The following C4orf33 variants were observed in gnomAD, a reference collection of about 807,000 sequenced individuals.
C4orf33 encodes the protein UPF0462 protein C4orf33.
Under a neutral mutation model 24.3 loss-of-function variants are expected in C4orf33, and 20 were observed. That is an observed-to-expected ratio of 0.82 (90% CI 0.58 to 1.19). C4orf33 has a LOEUF of 1.19. C4orf33 is among the 50% of genes most tolerant of loss of function. C4orf33 has a pLI of 0.00. For synonymous variants in C4orf33, 67 were observed against 76.4 expected (o/e 0.88, Z 0.64); for missense variants, 207 against 225.9 (o/e 0.92, Z 0.54).
intron 1 of C4orf33, among the ~76,000 whole-genome samples, chr4:129,100,367 G>A (rs940169859): frequency 6.7e-6 from 1 of 149,488 alleles, no homozygotes; most frequent in East Asian, 2.0e-4. Flanking sequence ...TATTGTTAGT[G>A]TTAGTGCATT....
intron 1 of C4orf33, among the ~76,000 whole-genome samples, chr4:129,101,590 C>T (rs1229577046): frequency 2.0e-5 from 3 of 152,046 alleles, no homozygotes; most frequent in Non-Finnish European, 4.4e-5. Context: ...ATGCTAGTCA[C>T]GTGACCTTGG....
chr4:129,100,555 A>G (rs1753322987), intron 1 of C4orf33: 1 of 152,166 alleles, frequency 6.6e-6, no homozygotes, highest in Admixed American at 6.5e-5. Context: ...ATATCACTGG[A>G]TATGGTTTTA....
upstream of C4orf33, chr4:129,094,149 C>T (rs985817103): frequency 1.3e-5 from 2 of 152,206 alleles, no homozygotes; most frequent in Non-Finnish European, 2.9e-5. Flanking sequence ...GCAAATTCAG[C>T]AGCTACTTCT....
intron 1 of C4orf33, among the ~76,000 whole-genome samples, chr4:129,101,693 C>T (rs1319686270): frequency 1.3e-5 from 2 of 152,146 alleles, no homozygotes; most frequent in African/African-American, 4.8e-5. Flanking sequence ...AATGCCCAAT[C>T]CATAGTATTC....
rs528534972 is a variant in C4orf33, at chr4:129,109,782, C to T, written c.494+110C>T. 4.8e-5 allele frequency: 48 copies of T among 1,007,116 alleles called. No individual in the cohort carries two copies. In the African/African-American group the frequency reaches 5.7e-4, roughly 12 times the overall value. The allele number at this position is 1,007,116 out of a possible 1,614,324, so 62.4% of individuals were successfully genotyped here. ...GATCAAAGAAGACGACATATGTGCA[C>T]AAGTATCTAGTAGAGTCCAATGTTC... is the stretch of plus-strand genomic sequence containing the variant. On this transcript the variant is annotated intron_variant, in intron 5 of 5. Coordinates refer to ENST00000425929, the MANE Select transcript of C4orf33 (RefSeq NM_001099783.2).
intron 2 of C4orf33, among the ~76,000 whole-genome samples, chr4:129,105,613 G>A (rs923308688): frequency 6.6e-6 from 1 of 152,050 alleles, no homozygotes; most frequent in Non-Finnish European, 1.5e-5. Context: ...CAACCTAAAT[G>A]TCTATCCATA....
At chr4:129,096,434 A>G (rs562801852) in intron 1 of C4orf33, among the ~76,000 whole-genome samples, 1 of 152,208 alleles carries the variant, frequency 6.6e-6, no homozygotes, top group Non-Finnish European at 1.5e-5. Context: ...AGAAATCATT[A>G]TTGTAGAAAA....
At position 129,112,705 on chromosome 4, in the gene C4orf33, T is replaced by G. The variant is rs920944972; in HGVS notation, c.*914T>G. ...TCAAGTTTACATTGAGTTTATATGT[T>G]TCCATTGAACAATCACTAGTGATGG... On this transcript the variant is annotated 3_prime_UTR_variant, in exon 6 of 6. Coordinates refer to ENST00000425929, the MANE Select transcript of C4orf33 (RefSeq NM_001099783.2). The G allele has an allele frequency of 6.6e-6, 1 of 152,092 alleles. No individual in the cohort carries two copies. The highest frequency in any genetic ancestry group is 1.5e-5 in the Non-Finnish European group (1 of 67,930). 9.4% of individuals were successfully genotyped at this position (152,092 alleles called of 1,614,324 possible). A position where few individuals can be genotyped will look rare whatever the true frequency, so the allele number is the denominator to read the frequency against.
upstream of C4orf33, chr4:129,093,909 T>A (rs913967420): frequency 6.6e-6 from 1 of 152,268 alleles, no homozygotes; most frequent in Non-Finnish European, 1.5e-5. Flanking sequence ...CTTTCTGGAC[T>A]AAGTAAAAGA....
chr4:129,100,176 A>G (rs1264133235), intron 1 of C4orf33, among the ~76,000 whole-genome samples: 1 of 152,216 alleles, frequency 6.6e-6, no homozygotes, highest in East Asian at 1.9e-4. Context: ...CTTTGCTTTT[A>G]TCTTTTACTT....
At chr4:129,096,383 T>A (rs974230805) in intron 1 of C4orf33, 174 bp downstream of exon 1, 2 of 152,318 alleles carry the variant, frequency 1.3e-5, no homozygotes, top group East Asian at 3.9e-4. Context: ...TCCGTTTCCC[T>A]GATAAATGGG....
At chr4:129,099,894 T>A (rs1008682034) in intron 1 of C4orf33, among the ~76,000 whole-genome samples, 7 of 152,096 alleles carry the variant, frequency 4.6e-5, no homozygotes, top group African/African-American at 1.7e-4. Context: ...ATTCTTAGAT[T>A]GACGTCAGTG....
chr4:129,105,858 A>G (rs1273537943), intron 2 of C4orf33, among the ~76,000 whole-genome samples: 4 of 152,218 alleles, frequency 2.6e-5, no homozygotes, highest in Non-Finnish European at 5.9e-5. Context: ...ATTATAAAAA[A>G]GAAAAGAAAG....
chr4:129,101,762 T>C (rs1753358183), intron 1 of C4orf33, among the ~76,000 whole-genome samples: 1 of 152,208 alleles, frequency 6.6e-6, no homozygotes, highest in African/African-American at 2.4e-5. Context: ...ATACTTAGAA[T>C]ACTAATTTAA....
At position 129,111,785 on chromosome 4, in the gene C4orf33, T is replaced by C. The variant is rs771778615; in HGVS notation, c.594T>C (p.Asp198=). Residue 198 remains aspartate (D), a synonymous_variant, in exon 6 of 6, where the codon GAT becomes GAC. Coordinates refer to ENST00000425929, the MANE Select transcript of C4orf33 (RefSeq NM_001099783.2). ...ACCTGTGGCTAATAGAGAAATGTGA[T>C]ATATAGGAGTAATAGATAACCATAC... ...ESDLWLIEKC[D]I 19 of 1,569,150 alleles carry C rather than the reference T, an allele frequency of 1.2e-5. No homozygotes were observed. The African/African-American group carries it at 2.0e-4, about 17-fold the overall frequency.
intron 2 of C4orf33, among the ~76,000 whole-genome samples, chr4:129,103,255 G>A (rs1008543727): frequency 1.6e-4 from 25 of 151,950 alleles, no homozygotes; most frequent in South Asian, 2.1e-4. Flanking sequence ...TCCTGACCAC[G>A]TGATCTGCCC....
At chr4:129,095,037 A>G (rs1753149600), upstream of C4orf33, among the ~76,000 whole-genome samples, 1 of 152,310 alleles carries the variant, frequency 6.6e-6, no homozygotes, top group East Asian at 1.9e-4. Context: ...CATAAAGTGA[A>G]TATCTCAGGT....
Position 129,115,847 on chromosome 4 carries a change from A to G in C4orf33, c.*4056A>G, listed in dbSNP as rs1406714723. ...ATATATATAAAATATATATGTTTATATATAACATATATATATAGAGAGAGA... is the reference window on the plus strand; with the variant it reads ...ATATATATAAAATATATATGTTTATGTATAACATATATATATAGAGAGAGA... On this transcript the variant is annotated 3_prime_UTR_variant, in exon 6 of 6. Transcript: ENST00000425929. The G allele has an allele frequency of 7.2e-6, 1 of 139,716 alleles. No homozygotes were observed. Among genetic ancestry groups the G allele is most frequent in the East Asian group, 2.0e-4 (1 of 4,950 alleles). 8.7% of individuals were successfully genotyped at this position (139,716 alleles called of 1,614,324 possible).
intron 2 of C4orf33, among the ~76,000 whole-genome samples, chr4:129,105,053 T>C (rs994080173): frequency 3.3e-5 from 5 of 152,048 alleles, no homozygotes; most frequent in African/African-American, 9.7e-5. Context: ...TGTATGTACC[T>C]ATCTATTTTA....
Sources: allele counts gnomAD v4.1 joint callset (sites outside exome capture counted in the v4.1 genomes callset), GRCh38; gene constraint gnomAD v4.1.1; transcripts MANE v1.5; gene names NCBI Gene and HGNC (gene_info 2026-07-23, HGNC 2026-07-21).